The following NCOA2 variants were observed in gnomAD, a reference collection of about 807,000 sequenced individuals.
The protein encoded by NCOA2 is class E basic helix-loop-helix protein 75.
Under a neutral mutation model 145.1 loss-of-function variants are expected in NCOA2, and 21 were observed. That is an observed-to-expected ratio of 0.14 (90% CI 0.10 to 0.21). The LOEUF is 0.21. NCOA2 is among the 10% of genes least tolerant of loss of function. The probability of loss-of-function intolerance (pLI) is 1.00; values close to 1 mark genes in which losing one functional copy is unlikely to be tolerated. For synonymous variants in NCOA2, 619 were observed against 637.5 expected (o/e 0.97, Z 0.44); for missense variants, 1,472 against 1,837.6 (o/e 0.80, Z 3.64).
At chr8:70,155,890 G>A in intron 11 of NCOA2, 81 bp downstream of exon 11, 1 of 1,124,948 alleles carries the variant, frequency 8.9e-7, no homozygotes, top group Non-Finnish European at 1.2e-6. Context: ...CCAATCACCT[G>A]AGACTTCAAA....
intron 1 of NCOA2, among the ~76,000 whole-genome samples, chr8:70,347,119 G>A (rs906579431): frequency 6.6e-6 from 1 of 152,032 alleles, no homozygotes; most frequent in East Asian, 1.9e-4. Context: ...ATTTATCCAC[G>A]TTGAATTTAC....
In NCOA2 at chr8:70,131,710, T is replaced by C. The variant is rs1237824123; in HGVS notation, c.3324+127A>G. 2.9e-6 allele frequency: 3 copies of C among 1,028,216 alleles called. No individual in the cohort carries two copies. The African/African-American group carries it at 4.9e-5, about 17-fold the overall frequency. 63.7% of individuals were successfully genotyped at this position (1,028,216 alleles called of 1,614,324 possible). On this transcript the variant is annotated intron_variant, in intron 16 of 22. Transcript: ENST00000452400. ...GGAGGAAGAAACAGGGCCAGCCTGTTTTGAGGTAAAAAAAACAACAACAAT... is the reference window on the plus strand; with the variant it reads ...GGAGGAAGAAACAGGGCCAGCCTGTCTTGAGGTAAAAAAAACAACAACAAT...
At chr8:70,356,862 C>T (rs999886193) in intron 1 of NCOA2, among the ~76,000 whole-genome samples, 6 of 152,200 alleles carry the variant, frequency 3.9e-5, no homozygotes, top group Non-Finnish European at 5.9e-5. Context: ...AAAAAGACTA[C>T]TTGTTTTTAC....
At chr8:70,278,108 T>C (rs2135422332) in intron 2 of NCOA2, among the ~76,000 whole-genome samples, 1 of 152,342 alleles carries the variant, frequency 6.6e-6, no homozygotes, top group South Asian at 2.1e-4. Context: ...ATCTACCTTC[T>C]ATCTCTACAG....
intron 6 of NCOA2, among the ~76,000 whole-genome samples, chr8:70,167,860 C>T (rs372091672): frequency 1.3e-5 from 2 of 152,096 alleles, no homozygotes; most frequent in East Asian, 1.9e-4. Flanking sequence ...ATGGATTTTA[C>T]CAGGTTAACT....
intron 1 of NCOA2, among the ~76,000 whole-genome samples, chr8:70,334,203 A>G (rs1279092196): frequency 6.6e-6 from 1 of 152,180 alleles, no homozygotes; most frequent in Non-Finnish European, 1.5e-5. Context: ...CTAATTTCCT[A>G]CTTCAGATGG....
chr8:70,320,899 A>C (rs1260285835), intron 1 of NCOA2, among the ~76,000 whole-genome samples: 2 of 152,206 alleles, frequency 1.3e-5, no homozygotes, highest in African/African-American at 4.8e-5. Flanking sequence ...TCTCTATTAA[A>C]GAACTAAGGT....
At chr8:70,370,219 G>A (rs1811089588) in intron 1 of NCOA2, among the ~76,000 whole-genome samples, 1 of 152,164 alleles carries the variant, frequency 6.6e-6, no homozygotes, top group South Asian at 2.1e-4. Flanking sequence ...GCAAAGAAAA[G>A]GCGAGAGCAA....
chr8:70,259,488 A>T (rs1823931950), intron 2 of NCOA2, among the ~76,000 whole-genome samples: 1 of 152,180 alleles, frequency 6.6e-6, no homozygotes, highest in South Asian at 2.1e-4. Context: ...TGGTAGTCAC[A>T]ATTATTTTGT....
At chr8:70,404,263 G>A (rs534834693), upstream of NCOA2, among the ~76,000 whole-genome samples, 41 of 152,360 alleles carry the variant, frequency 2.7e-4, no homozygotes, top group African/African-American at 9.1e-4. Flanking sequence ...GAGGGCAAAG[G>A]GCAATGCCAA....
chr8:70,265,966 C>T (rs536910124), intron 2 of NCOA2, among the ~76,000 whole-genome samples: 3 of 151,778 alleles, frequency 2.0e-5, no homozygotes, highest in African/African-American at 7.3e-5. Context: ...GGTGTAACCC[C>T]GTCTCTAATA....
At chr8:70,153,366 CT>C (rs1329591256) in intron 11 of NCOA2, among the ~76,000 whole-genome samples, 1 of 152,188 alleles carries the variant, frequency 6.6e-6, no homozygotes, top group Admixed American at 6.5e-5. Context: ...AAAAACATTT[CT>C]CCTAAATAAA....
intron 4 of NCOA2, among the ~76,000 whole-genome samples, chr8:70,180,082 CCA>C (rs1451172599): frequency 6.6e-5 from 10 of 152,038 alleles, no homozygotes; most frequent in African/African-American, 2.2e-4. Flanking sequence ...TGCCCAATCC[CCA>C]CAGTTTTTCT....
At chr8:70,116,636 T>C (rs1250705973) in intron 22 of NCOA2, among the ~76,000 whole-genome samples, 1 of 152,186 alleles carries the variant, frequency 6.6e-6, no homozygotes, top group Admixed American at 6.5e-5. Flanking sequence ...TGAACCCCTG[T>C]CAATGTGCAC....
At chr8:70,401,752 G>A (rs1814272573) in intron 1 of NCOA2, 2 of 152,190 alleles carry the variant, frequency 1.3e-5, no homozygotes, top group South Asian at 2.1e-4. Context: ...GCATAGCTGA[G>A]TGAAACCGAG....
intron 12 of NCOA2, 108 bp downstream of exon 12, chr8:70,148,165 A>T: frequency 8.9e-7 from 1 of 1,117,940 alleles, no homozygotes; most frequent in Non-Finnish European, 1.3e-6. Context: ...ATTTGATCAC[A>T]AAAACCTTAA....
intron 1 of NCOA2, among the ~76,000 whole-genome samples, chr8:70,370,211 A>G (rs546631113): frequency 1.3e-5 from 2 of 152,162 alleles, no homozygotes; most frequent in Non-Finnish European, 2.9e-5. Context: ...AAAAACACGC[A>G]AAGAAAAGGC....
At chr8:70,379,691 C>T (rs1812012749) in intron 1 of NCOA2, among the ~76,000 whole-genome samples, 1 of 152,020 alleles carries the variant, frequency 6.6e-6, no homozygotes, top group Non-Finnish European at 1.5e-5. Context: ...TAATATATTA[C>T]ATATTAAGAT....
chr8:70,308,020 A>G (rs1828027808), intron 1 of NCOA2, among the ~76,000 whole-genome samples: 1 of 152,222 alleles, frequency 6.6e-6, no homozygotes, highest in Non-Finnish European at 1.5e-5. Context: ...CATAAAATGT[A>G]GATTTTAAGA....
Sources: gnomAD v4.1 joint callset for allele counts (sites outside exome capture counted in the v4.1 genomes callset) on GRCh38, gnomAD v4.1.1 for gene constraint, MANE v1.5 for transcripts, NCBI Gene and HGNC (gene_info 2026-07-23, HGNC 2026-07-21) for gene names.